Variants in DHX37 observed in about 807,000 individuals in gnomAD.
The protein encoded by DHX37 is DEAH-box helicase 37, also known as probable ATP-dependent RNA helicase DHX37.
DHX37 carries 52 observed loss-of-function variants against 134.3 expected under a neutral mutation model. The ratio of observed to expected loss-of-function variants is 0.39; its 90% CI spans 0.31 to 0.49. The LOEUF is 0.49. DHX37 is among the 20% of genes least tolerant of loss of function. The pLI is 0.93. For synonymous variants in DHX37, 634 were observed against 670.7 expected, an observed-to-expected ratio of 0.95 and a Z score of 0.85; for missense variants, 1,344 against 1,580.8, an observed-to-expected ratio of 0.85 and a Z score of 2.54.
intron 5 of DHX37, among the ~76,000 whole-genome samples, chr12:124,976,697 G>A (rs1477406866): frequency 1.3e-5 from 2 of 152,136 alleles, no homozygotes; most frequent in Non-Finnish European, 2.9e-5. Flanking sequence ...GGGCGTGGTG[G>A]TGGGCGCCTG....
Position 124,950,790 on chromosome 12 carries a change from G to T in DHX37, c.2883C>A (p.Asp961Glu). ...WRNAYKTPLLDDPVFIHPSSV... is the reference protein window; with the variant it reads ...WRNAYKTPLLEDPVFIHPSSV... ...AGCTGGGGTGGATGAAGACAGGGTCGTCGAGGAGAGGGGTCTGCAGAGAAT... is the reference window on the plus strand; with the variant it reads ...AGCTGGGGTGGATGAAGACAGGGTCTTCGAGGAGAGGGGTCTGCAGAGAAT... The change falls in exon 22 of 27, where the codon GAC becomes GAA. Residue 961 changes from aspartate (D) to glutamate (E), a missense_variant. Asp to Glu is a conservative substitution (Grantham distance 45). This residue lies in a region of DHX37 where 558 missense variants were observed against 650.0 expected (regional missense o/e 0.86). Coordinates refer to ENST00000308736, the MANE Select transcript of DHX37 (RefSeq NM_032656.4). The T allele has an allele frequency of 6.2e-7, 1 of 1,607,010 alleles. No individual in the cohort carries two copies. Among genetic ancestry groups the T allele is most frequent in the Non-Finnish European group, 8.5e-7 (1 of 1,178,014 alleles).
chr12:124,983,196 C>T (rs971823643), intron 2 of DHX37, among the ~76,000 whole-genome samples: 4 of 152,084 alleles, frequency 2.6e-5, no homozygotes, highest in African/African-American at 9.7e-5. Flanking sequence ...GCAAGCTCTG[C>T]CTCCTGGGTT....
chr12:124,971,482 G>C, intron 7 of DHX37, 67 bp from the exon 8 acceptor site: 1 of 1,571,332 alleles, frequency 6.4e-7, no homozygotes. Context: ...TCACGTCCCA[G>C]AACTCCCACT....
At chr12:124,959,671 G>A (rs781709534) in intron 16 of DHX37, among the ~76,000 whole-genome samples, 3 of 152,250 alleles carry the variant, frequency 2.0e-5, no homozygotes, top group Non-Finnish European at 4.4e-5. Flanking sequence ...ATGGCGGACA[G>A]TGGGACGGGC....
chr12:124,974,445 G>A (rs558762323), intron 6 of DHX37, among the ~76,000 whole-genome samples: 6 of 151,488 alleles, frequency 4.0e-5, no homozygotes, highest in Non-Finnish European at 7.4e-5. Flanking sequence ...CTGCCTTAGC[G>A]TCCTCCGAGC....
intron 10 of DHX37, 105 bp downstream of exon 10, chr12:124,968,429 A>T (rs1954441112): frequency 6.5e-7 from 1 of 1,545,046 alleles, no homozygotes; most frequent in Admixed American, 1.8e-5. Flanking sequence ...TGGCAGGGTC[A>T]AGGGACTTTT....
chr12:124,966,744 G>T (rs777082332), intron 12 of DHX37, 49 bp downstream of exon 12: 52 of 1,590,226 alleles, frequency 3.3e-5, no homozygotes, highest in Non-Finnish European at 4.5e-5. Context: ...CTGCCATCCT[G>T]GACAACGCAG....
intron 6 of DHX37, among the ~76,000 whole-genome samples, chr12:124,974,787 T>C (rs1010456801): frequency 1.4e-5 from 2 of 145,808 alleles, no homozygotes; most frequent in Non-Finnish European, 3.0e-5. Context: ...GATTTTTTTT[T>C]TTTTTTGAGA....
At chr12:124,968,411 C>T in intron 10 of DHX37, 123 bp downstream of exon 10, 1 of 1,489,280 alleles carries the variant, frequency 6.7e-7, no homozygotes, top group Non-Finnish European at 9.0e-7. Flanking sequence ...AGTGAGGAAG[C>T]CGAGGCCTGG....
rs753166422 is a variant in DHX37, at chr12:124,980,721, C to T, written c.507G>A (p.Ser169=). ...CCGACTCCTCCTCCAGCTCCGATTC[C>T]GACTCCTCCTCCTCCTCCTCCTCCT... ...AEEEEEEEEE[S]ESELEEESEL... Residue 169 remains serine (S), a synonymous_variant, in exon 4 of 27, where the codon TCG becomes TCA. Coordinates refer to ENST00000308736, the MANE Select transcript of DHX37 (RefSeq NM_032656.4). The surrounding 1 kb of genome is among the most constrained non-coding windows in gnomAD (Gnocchi z 5.3). 30 of 1,563,558 alleles carry T rather than the reference C, an allele frequency of 1.9e-5. No individual in the cohort carries two copies. Among genetic ancestry groups the T allele is most frequent in the South Asian group, 1.3e-4 (11 of 86,620 alleles).
intron 2 of DHX37, 115 bp from the exon 3 acceptor site, chr12:124,982,738 C>T (rs551818055): frequency 6.1e-5 from 87 of 1,416,344 alleles, no homozygotes; most frequent in African/African-American, 5.9e-4. Flanking sequence ...TTAAAATCGG[C>T]GGTCAAATTG....
chr12:124,987,936 A>AGG (rs971635307), intron 1 of DHX37, among the ~76,000 whole-genome samples: 3 of 151,226 alleles, frequency 2.0e-5, no homozygotes, highest in African/African-American at 7.3e-5. Flanking sequence ...GTGAAAACGA[A>AGG]GGCACAGAGA....
At chr12:124,981,886 G>A (rs1954767764) in intron 3 of DHX37, among the ~76,000 whole-genome samples, 1 of 151,836 alleles carries the variant, frequency 6.6e-6, no homozygotes. Context: ...CACTTTGGGA[G>A]GCCGAGGCGG....
rs772526042 is a variant in DHX37 at position 124,967,175 on chromosome 12, C to T, written c.1452G>A (p.Ala484=). 1.7e-5 allele frequency: 28 copies of T among 1,613,762 alleles called. No homozygotes were observed. The highest frequency in any genetic ancestry group is 1.6e-4 in the Middle Eastern group (1 of 6,084). ...VFLTGQAEVH[A]LCRRLRKAFP... is the part of the protein sequence containing the mutation. Reference sequence around the variant, plus strand: ...AAGCCTTCCTGAGCCTGCGGCACAGCGCATGCACCTCAGCCTGCCCCGTCA... The same window carrying T: ...AAGCCTTCCTGAGCCTGCGGCACAGTGCATGCACCTCAGCCTGCCCCGTCA... The change falls in exon 11 of 27, where the codon GCG becomes GCA. Residue 484 remains alanine, a synonymous_variant. Coordinates refer to ENST00000308736, the MANE Select transcript of DHX37 (RefSeq NM_032656.4).
intron 20 of DHX37, 70 bp downstream of exon 20, chr12:124,953,810 T>A (rs1036713013): frequency 1.3e-6 from 2 of 1,575,448 alleles, no homozygotes; most frequent in African/African-American, 1.4e-5. Flanking sequence ...TGGATCACTT[T>A]TTTAAACATT....
chr12:124,973,296 C>T (rs1457142454), intron 6 of DHX37, among the ~76,000 whole-genome samples: 6 of 151,758 alleles, frequency 4.0e-5, no homozygotes, highest in African/African-American at 1.2e-4. Context: ...TCCAGCTATT[C>T]GGGAGGCTGA....
chr12:124,972,863 T>C (rs546754857), intron 6 of DHX37, among the ~76,000 whole-genome samples: 23 of 152,374 alleles, frequency 1.5e-4, no homozygotes, highest in South Asian at 1.0e-3. Flanking sequence ...ATGGTGACTA[T>C]GCCAGGAGAC....
At chr12:124,967,753 G>A (rs1457542472) in intron 10 of DHX37, among the ~76,000 whole-genome samples, 1 of 152,168 alleles carries the variant, frequency 6.6e-6, no homozygotes, top group Admixed American at 6.5e-5. Flanking sequence ...AGCCAGCCTT[G>A]GGCCCAAATT....
At chr12:124,973,642 T>TTC (rs1954567053) in intron 6 of DHX37, among the ~76,000 whole-genome samples, 1 of 143,154 alleles carries the variant, frequency 7.0e-6, no homozygotes, top group African/African-American at 2.6e-5. Context: ...CCAACGCTTT[T>TTC]TTTTTTTTTT....
Sources: gnomAD v4.1 joint callset for allele counts (sites outside exome capture counted in the v4.1 genomes callset) on GRCh38, gnomAD v4.1.1 for gene constraint, gnomAD v4.1.1 regional missense constraint, Gnocchi (gnomAD v3.1) non-coding constraint, MANE v1.5 for transcripts, NCBI Gene and HGNC (gene_info 2026-07-23, HGNC 2026-07-21) for gene names.